The following TBC1D16 variants were observed in gnomAD, a reference collection of about 807,000 sequenced individuals.
The protein encoded by TBC1D16 is CTD-2529O21.1.
TBC1D16 carries 58 observed loss-of-function variants against 74.7 expected under a neutral mutation model. That is an observed-to-expected ratio of 0.78 (90% CI 0.63 to 0.97). TBC1D16 has a LOEUF of 0.97. Ranked by LOEUF, TBC1D16 falls within the 50% of genes least tolerant of loss-of-function variation. The probability of loss-of-function intolerance (pLI) is 0.00; values close to 1 mark genes in which losing one functional copy is unlikely to be tolerated. For missense variants in TBC1D16, 1,014 were observed against 1,079.5 expected (o/e 0.94, Z 0.85); for synonymous variants, 493 against 474.7 (o/e 1.04, Z -0.50).
At chr17:79,976,518 G>A (rs137921935) in intron 3 of TBC1D16, among the ~76,000 whole-genome samples, 39 of 152,306 alleles carry the variant, frequency 2.6e-4, no homozygotes, top group African/African-American at 9.4e-4. Context: ...CATGTGCGGT[G>A]TGCCCACATC....
At position 79,991,251 on chromosome 17, in the gene TBC1D16, G is replaced by A. The variant is rs142852395; in HGVS notation, c.779+18909C>T. Among the ~76,000 whole-genome samples the A allele has an allele frequency of 5.3e-5, 8 of 152,342 alleles. No individual in the cohort carries two copies. In the East Asian group the frequency reaches 1.5e-3, roughly 29 times the overall value. The stretch of plus-strand genomic sequence containing the variant: ...GAGCAGGAATGACACAAAGCAGGCT[G>A]CATCTGGCTGTGTCAGGCCTCCCAC... On this transcript the variant is annotated intron_variant, in intron 3 of 11. Coordinates refer to ENST00000310924, the MANE Select transcript of TBC1D16 (RefSeq NM_019020.4).
At position 79,950,354 on chromosome 17, in the gene TBC1D16, C is replaced by CGTTCCCG; in HGVS notation, c.1257+50_1257+56dup. 1.3e-6 allele frequency: 2 copies of CGTTCCCG among 1,523,570 alleles called. No individual in the cohort carries two copies. The highest frequency in any genetic ancestry group is 2.3e-5 in the East Asian group (1 of 42,862). 94.4% of individuals were successfully genotyped at this position (1,523,570 alleles called of 1,614,324 possible). A position where few individuals can be genotyped will look rare whatever the true frequency, so the allele number is the denominator to read the frequency against. ...GCCCCGGCCCTCCTTCCCTCTCGCT[C>CGTTCCCG]GTTCCCGGTTCCCGGCCGGCTCTCC... On this transcript the variant is annotated intron_variant, in intron 6 of 11. Transcript: ENST00000310924. The surrounding 1 kb of genome is among the most constrained non-coding windows in gnomAD (Gnocchi z 4.6).
rs1238258390 is a variant in TBC1D16, at chr17:79,994,850, C to T, written c.779+15310G>A. The stretch of plus-strand genomic sequence containing the variant: ...CTAGGTGTAAAGTACACGCGAAATT[C>T]CCAGGACTTGGTAAACAGAGAGAAT... On this transcript the variant is annotated intron_variant, in intron 3 of 11. Coordinates refer to ENST00000310924, the MANE Select transcript of TBC1D16 (RefSeq NM_019020.4). The surrounding 1 kb of genome is among the most constrained non-coding windows in gnomAD (Gnocchi z 4.6). 1.3e-5 allele frequency among the ~76,000 whole-genome samples: 2 copies of T among 152,194 alleles called. No individual in the cohort carries two copies. Among genetic ancestry groups the T allele is most frequent in the Non-Finnish European group, 2.9e-5 (2 of 68,038 alleles).
rs980013297 is a variant in TBC1D16 at position 79,981,776 on chromosome 17, G to A, written c.779+28384C>T. 6.6e-6 allele frequency among the ~76,000 whole-genome samples: 1 copy of A among 152,148 alleles called. No individual in the cohort carries two copies. Among genetic ancestry groups the A allele is most frequent in the Non-Finnish European group, 1.5e-5 (1 of 68,028 alleles). Reference sequence around the variant, plus strand: ...CAAGAACGTGCTCACTGCACATAACGCTGAACCTGCCACGGGCACGAAGCA... The same window carrying A: ...CAAGAACGTGCTCACTGCACATAACACTGAACCTGCCACGGGCACGAAGCA... On this transcript the variant is annotated intron_variant, in intron 3 of 11. Coordinates refer to ENST00000310924, the MANE Select transcript of TBC1D16 (RefSeq NM_019020.4). This position sits in a 1 kb window ranked among gnomAD's most constrained non-coding sequence, Gnocchi z 6.9.
At chr17:79,974,952 G>T (rs1224952578) in intron 3 of TBC1D16, among the ~76,000 whole-genome samples, 2 of 152,222 alleles carry the variant, frequency 1.3e-5, no homozygotes, top group African/African-American at 4.8e-5. Context: ...TCCTGATTTG[G>T]CCTCGGTTTT....
intron 3 of TBC1D16, among the ~76,000 whole-genome samples, chr17:79,989,704 G>A (rs758026046): frequency 1.9e-4 from 29 of 152,170 alleles, no homozygotes; most frequent in Non-Finnish European, 1.0e-4. Flanking sequence ...TCAAATACAC[G>A]AACATCCTCA....
In TBC1D16 at chr17:79,940,669, G is replaced by A. The variant is rs1433865383; in HGVS notation, c.*190C>T. ...GCTGACTTTCCTCTGGGTGGCTGTA[G>A]ATCTGACTTCTGTCACTTCCAGACT... On this transcript the variant is annotated 3_prime_UTR_variant, in exon 12 of 12. Transcript: ENST00000310924. The surrounding 1 kb of genome is among the most constrained non-coding windows in gnomAD (Gnocchi z 5.4). 3 of 663,860 alleles carry A rather than the reference G, an allele frequency of 4.5e-6. No homozygotes were observed. Among genetic ancestry groups the A allele is most frequent in the Non-Finnish European group, 6.7e-6 (3 of 448,002 alleles). The allele number at this position is 663,860 out of a possible 1,614,324, so 41.1% of individuals were successfully genotyped here. A position where few individuals can be genotyped will look rare whatever the true frequency, so the allele number is the denominator to read the frequency against.
intron 2 of TBC1D16, 148 bp downstream of exon 2, chr17:80,013,219 C>A: frequency 1.3e-6 from 1 of 791,212 alleles, no homozygotes; most frequent in Non-Finnish European, 1.9e-6. Context: ...CCCAGACCCT[C>A]CTTCCGGGAG....
intron 3 of TBC1D16, among the ~76,000 whole-genome samples, chr17:79,966,243 C>G (rs796305766): frequency 6.6e-5 from 10 of 152,216 alleles, no homozygotes; most frequent in African/African-American, 2.4e-4. Context: ...AGAAGGACAC[C>G]ACTCACTGGA....
At chr17:80,024,455 CACACCATA>C in intron 1 of TBC1D16, among the ~76,000 whole-genome samples, 1 of 6,502 alleles carries the variant, frequency 1.5e-4, no homozygotes, top group East Asian at 3.0e-3. Context: ...ACACACCACA[CACACCATA>C]GACACACACA....
chr17:79,999,052 T>C (rs2035384634), intron 3 of TBC1D16, among the ~76,000 whole-genome samples: 1 of 152,098 alleles, frequency 6.6e-6, no homozygotes, highest in Non-Finnish European at 1.5e-5. Flanking sequence ...GGTCAGGAAT[T>C]TGAGACCAGC....
intron 3 of TBC1D16, among the ~76,000 whole-genome samples, chr17:79,989,673 C>T (rs571296954): frequency 6.6e-6 from 1 of 152,364 alleles, no homozygotes; most frequent in South Asian, 2.1e-4. Context: ...GGCCGAGAGG[C>T]CAAGACACTA....
At position 79,987,353 on chromosome 17, in the gene TBC1D16, C is replaced by A. The variant is rs748857952; in HGVS notation, c.779+22807G>T. On this transcript the variant is annotated intron_variant, in intron 3 of 11. Coordinates refer to ENST00000310924, the MANE Select transcript of TBC1D16 (RefSeq NM_019020.4). This position sits in a 1 kb window ranked among gnomAD's most constrained non-coding sequence, Gnocchi z 5.2. ...CTTCCACCTCTTGGGCTCAAGCGAT[C>A]CTCCCACTTCAGCCTCCCGAGTAGC... 4.1e-4 allele frequency among the ~76,000 whole-genome samples: 62 copies of A among 152,158 alleles called. No individual in the cohort carries two copies. The highest frequency in any genetic ancestry group is 5.1e-4 in the Non-Finnish European group (35 of 67,996).
In TBC1D16 at chr17:80,007,110, G is replaced by A. The variant is rs888012677; in HGVS notation, c.779+3050C>T. ...ATCCACCTCGTCCCAGCACAAAGCT[G>A]CAACTCGCCACGTTCAGCGAGCCTC... On this transcript the variant is annotated intron_variant, in intron 3 of 11. Transcript: ENST00000310924. The surrounding 1 kb of genome is among the most constrained non-coding windows in gnomAD (Gnocchi z 4.5). Among the ~76,000 whole-genome samples the A allele has an allele frequency of 1.3e-5, 2 of 152,210 alleles. No homozygotes were observed. The highest frequency in any genetic ancestry group is 4.8e-5 in the African/African-American group (2 of 41,462).
At position 79,983,696 on chromosome 17, in the gene TBC1D16, C is replaced by T. The variant is rs776261807; in HGVS notation, c.779+26464G>A. 6.6e-5 allele frequency among the ~76,000 whole-genome samples: 10 copies of T among 152,132 alleles called. No individual in the cohort carries two copies. The highest frequency in any genetic ancestry group is 2.0e-4 in the Admixed American group (3 of 15,280). The stretch of plus-strand genomic sequence containing the variant: ...CCGGAAGGTGGTTCCTTCTGGAGAC[C>T]GGGGCACGGAACGACCAGACTGGGG... On this transcript the variant is annotated intron_variant, in intron 3 of 11. Transcript: ENST00000310924. This position sits in a 1 kb window ranked among gnomAD's most constrained non-coding sequence, Gnocchi z 5.6.
At chr17:79,996,651 C>T (rs922125296) in intron 3 of TBC1D16, among the ~76,000 whole-genome samples, 1 of 152,098 alleles carries the variant, frequency 6.6e-6, no homozygotes, top group Admixed American at 6.6e-5. Context: ...GAGGCCGAGG[C>T]GGGAGGATTG....
chr17:79,947,682 A>T lies in TBC1D16; in HGVS notation c.1691T>A (p.Val564Asp), dbSNP rs1568574300. Residue 564 changes from valine (V) to aspartate (D), a missense_variant, in exon 9 of 12, where the codon GTC becomes GAC. Physicochemically the swap from Val to Asp is radical, Grantham distance 152. Transcript: ENST00000310924. ...FVGLMQNTIF[V>D]SSPRDEDMEK... ...CATGTCCTCGTCCCGGGGTGAGCTGACGAAGATCGTGTTCTGCATCAAACC... is the reference window on the plus strand; with the variant it reads ...CATGTCCTCGTCCCGGGGTGAGCTGTCGAAGATCGTGTTCTGCATCAAACC... 6.2e-7 allele frequency: 1 copy of T among 1,614,080 alleles called. No homozygotes were observed. The highest frequency in any genetic ancestry group is 8.5e-7 in the Non-Finnish European group (1 of 1,180,024).
rs1289891450 is a variant in TBC1D16 at position 79,993,663 on chromosome 17, G to C, written c.779+16497C>G. 2 of 152,264 alleles carry C rather than the reference G, an allele frequency of 1.3e-5. No individual in the cohort carries two copies. Among genetic ancestry groups the C allele is most frequent in the Non-Finnish European group, 2.9e-5 (2 of 68,062 alleles). The allele number at this position is 152,264 out of a possible 1,614,324, so 9.4% of individuals were successfully genotyped here. On this transcript the variant is annotated intron_variant, in intron 3 of 11. Transcript: ENST00000310924. The surrounding 1 kb of genome is among the most constrained non-coding windows in gnomAD (Gnocchi z 5.1). Reference sequence around the variant, plus strand: ...TGCAACAGCCAGGCGTGGTTCCCCAGAGGTACGGTGTGAGCTCCCCAACTC... The same window carrying C: ...TGCAACAGCCAGGCGTGGTTCCCCACAGGTACGGTGTGAGCTCCCCAACTC...
rs113433140 is a variant in TBC1D16, at chr17:79,982,419, C to T, written c.779+27741G>A. Among the ~76,000 whole-genome samples, 48 of 151,478 alleles carry T rather than the reference C, an allele frequency of 3.2e-4. 1 individual carries two copies. Among genetic ancestry groups the T allele is most frequent in the Middle Eastern group, 6.8e-3 (2 of 294 alleles). On this transcript the variant is annotated intron_variant, in intron 3 of 11. Transcript: ENST00000310924. ...TCAGCCTCCCAAAGTAGGGGGATTACAGGCCTGAGCCACTGTGCCCAGCTT... is the reference window on the plus strand; with the variant it reads ...TCAGCCTCCCAAAGTAGGGGGATTATAGGCCTGAGCCACTGTGCCCAGCTT...
Sources: gnomAD v4.1 joint callset for allele counts (sites outside exome capture counted in the v4.1 genomes callset) on GRCh38, gnomAD v4.1.1 for gene constraint, Gnocchi (gnomAD v3.1) non-coding constraint, MANE v1.5 for transcripts, NCBI Gene and HGNC (gene_info 2026-07-23, HGNC 2026-07-21) for gene names.